The following STARD8 variants were observed in gnomAD, a reference collection of about 807,000 sequenced individuals.
STARD8 encodes stAR-related lipid transfer protein 8.
A neutral mutation model predicts 69.4 loss-of-function variants in STARD8; 25 were observed. The ratio of observed to expected loss-of-function variants is 0.36; its 90% CI spans 0.26 to 0.50. The LOEUF is 0.50. Ranked by LOEUF, STARD8 falls within the 20% of genes least tolerant of loss-of-function variation. The pLI, the probability that STARD8 is intolerant of heterozygous loss-of-function variation, is 0.96. For synonymous variants in STARD8, 389 were observed against 374.6 expected (o/e 1.04, Z -0.45); for missense variants, 921 against 932.5 (o/e 0.99, Z 0.16).
At chrX:68,701,500 C>T (rs2079965917) in intron 2 of STARD8, among the ~76,000 whole-genome samples, 1 of 113,124 alleles carries the variant, frequency 8.8e-6, no homozygotes, top group South Asian at 3.6e-4. Flanking sequence ...TCAGTCACTT[C>T]TGGACAGGCA....
intron 2 of STARD8, among the ~76,000 whole-genome samples, chrX:68,703,213 T>C (rs909348056): frequency 4.5e-5 from 5 of 112,114 alleles, no homozygotes; most frequent in Admixed American, 1.9e-4. Context: ...TGAGCTGTGA[T>C]TGTGCTACTA....
At position 68,719,234 on chromosome X, in the gene STARD8, T is replaced by G. The variant is rs1286781819; in HGVS notation, c.1725T>G (p.Arg575=). 1.7e-6 allele frequency: 2 copies of G among 1,184,424 alleles called. No individual in the cohort carries two copies. Among genetic ancestry groups the G allele is most frequent in the African/African-American group, 1.8e-5 (1 of 56,760 alleles). ...ASLTRPCRKL[R]WHSFQNSHRP... Reference sequence around the variant, plus strand: ...CACCGCCCCCCACCAGGAAGCTCCGTTGGCATAGCTTCCAGAACTCCCATC... The same window carrying G: ...CACCGCCCCCCACCAGGAAGCTCCGGTGGCATAGCTTCCAGAACTCCCATC... Residue 575 remains arginine, a synonymous_variant, in exon 7 of 15, where the codon CGT becomes CGG. Transcript: ENST00000374599.
At chrX:68,664,345 C>T (rs1179784666) in intron 1 of STARD8, among the ~76,000 whole-genome samples, 1 of 111,966 alleles carries the variant, frequency 8.9e-6, no homozygotes, top group East Asian at 2.8e-4. Flanking sequence ...CACTTCCACC[C>T]TGGCTCTACA....
intron 1 of STARD8, among the ~76,000 whole-genome samples, chrX:68,659,123 T>G (rs2079628901): frequency 8.9e-6 from 1 of 112,138 alleles, no homozygotes; most frequent in South Asian, 3.7e-4. Context: ...TTTCCTTACC[T>G]ACAACATGAG....
At chrX:68,653,080 C>CA (rs775251347) in intron 1 of STARD8, among the ~76,000 whole-genome samples, 20 of 1,442 alleles carry the variant, frequency 0.014, no homozygotes, top group African/African-American at 0.04. Context: ...CACACACACA[C>CA]CACACCACAC....
rs181008357 is a variant in STARD8, at chrX:68,708,878, C to T, written c.80-4036C>T. 4.8e-3 allele frequency among the ~76,000 whole-genome samples: 542 copies of T among 111,868 alleles called. 4 individuals are homozygous for T. The highest frequency in any genetic ancestry group is 0.017 in the African/African-American group (518 of 30,809). On this transcript the variant is annotated intron_variant, in intron 2 of 14. Transcript: ENST00000374599. ...TCACCTCAGCCTGCCCGTTGTCACT[C>T]TCCCCACCAGATACATAAGCCCATC...
intron 2 of STARD8, among the ~76,000 whole-genome samples, chrX:68,709,077 G>C (rs953442344): frequency 3.6e-4 from 40 of 111,812 alleles, no homozygotes; most frequent in Admixed American, 3.5e-3. Flanking sequence ...GATCCATCTG[G>C]GAGGGAGCCT....
chrX:68,688,560 C>T (rs1196970493), intron 2 of STARD8, among the ~76,000 whole-genome samples: 2 of 111,254 alleles, frequency 1.8e-5, no homozygotes, highest in African/African-American at 6.6e-5. Context: ...CCTCGCCTTC[C>T]CAGGTTTTTT....
chrX:68,686,409 A>G (rs189799060), intron 2 of STARD8, among the ~76,000 whole-genome samples: 1 of 112,871 alleles, frequency 8.9e-6, no homozygotes, highest in African/African-American at 3.2e-5. Context: ...TGGGCTGCTT[A>G]GCCGCCTGGC....
rs1474415461 is a variant in STARD8 at position 68,724,352 on chromosome X, C to T, written c.3242C>T (p.Ala1081Val). The T allele has an allele frequency of 8.3e-7, 1 of 1,209,043 alleles. No individual in the cohort carries two copies. Residue 1081 changes from alanine to valine, a missense_variant, in exon 15 of 15, where the codon GCC becomes GTC. Ala to Val is a moderately conservative substitution (Grantham distance 64). Transcript: ENST00000374599. Reference protein sequence around the residue: ...WYNKVFGHLCAMEVAKIRDSF... With the variant: ...WYNKVFGHLCVMEVAKIRDSF... ...AACAAAGTCTTTGGACACCTGTGTG[C>T]CATGGAAGTGGCAAAGATCCGGGAC...
intron 2 of STARD8, among the ~76,000 whole-genome samples, chrX:68,688,502 A>G (rs774394522): frequency 0.037 from 3,963 of 107,180 alleles, 177 homozygotes; most frequent in African/African-American, 0.09. Context: ...TGACGATGGA[A>G]CCTGTGAATG....
chrX:68,690,407 G>T (rs185073375), intron 2 of STARD8, among the ~76,000 whole-genome samples: 1 of 106,847 alleles, frequency 9.4e-6, no homozygotes, highest in South Asian at 4.1e-4. Context: ...GCAGCAGCTC[G>T]AGCAACTCCC....
intron 2 of STARD8, among the ~76,000 whole-genome samples, chrX:68,671,231 A>C (rs1332864458): frequency 8.9e-6 from 1 of 112,461 alleles, no homozygotes; most frequent in Non-Finnish European, 1.9e-5. Flanking sequence ...CCCATGGGAC[A>C]ACTTGCTATT....
intron 2 of STARD8, among the ~76,000 whole-genome samples, chrX:68,706,022 C>T (rs914320221): frequency 8.9e-6 from 1 of 112,378 alleles, no homozygotes; most frequent in Non-Finnish European, 1.9e-5. Context: ...CCTAGGGGCC[C>T]CTCCTGGGCT....
At position 68,661,068 on chromosome X, in the gene STARD8, G is replaced by T. The variant is rs1250265309; in HGVS notation, c.46-4431G>T. On this transcript the variant is annotated intron_variant, in intron 1 of 14. Coordinates refer to ENST00000374599, the MANE Select transcript of STARD8 (RefSeq NM_001142503.3). ...AGTGAGGGGTGGGGATGTTGGAGGT[G>T]GTTAGAGAAGGAAGGGAGAGGTGGG... 2.7e-5 allele frequency among the ~76,000 whole-genome samples: 3 copies of T among 111,613 alleles called. No individual in the cohort carries two copies. The East Asian group carries it at 8.5e-4, about 32-fold the overall frequency.
chrX:68,661,878 TTTCCTTCCTTCCTTCCTTCC>T (rs748806413), intron 1 of STARD8, among the ~76,000 whole-genome samples: 7 of 64,165 alleles, frequency 1.1e-4, no homozygotes, highest in African/African-American at 1.8e-4. Context: ...CTTTCTTTCT[TTTCCTTCCTTCCTTCCTTCC>T]TTCCTTCCTT....
At chrX:68,713,086 G>A in intron 3 of STARD8, 101 bp downstream of exon 3, 1 of 880,341 alleles carries the variant, frequency 1.1e-6, no homozygotes, top group Non-Finnish European at 1.6e-6. Flanking sequence ...CTACACACAA[G>A]CAGTGTCTCC....
chrX:68,705,258 A>G (rs2079997180), intron 2 of STARD8, among the ~76,000 whole-genome samples: 1 of 111,894 alleles, frequency 8.9e-6, no homozygotes, highest in African/African-American at 3.3e-5. Context: ...TTAGCTGTCT[A>G]CTTTGGTCCT....
chrX:68,709,466 G>A (rs2080033323), intron 2 of STARD8, among the ~76,000 whole-genome samples: 1 of 111,910 alleles, frequency 8.9e-6, no homozygotes, highest in Non-Finnish European at 1.9e-5. Context: ...ATGTGCCAGG[G>A]GCTTTTACTT....
Sources: gnomAD v4.1 joint callset for allele counts (sites outside exome capture counted in the v4.1 genomes callset) on GRCh38, gnomAD v4.1.1 for gene constraint, MANE v1.5 for transcripts, NCBI Gene and HGNC (gene_info 2026-07-23, HGNC 2026-07-21) for gene names.